The following RABGAP1 variants were observed in gnomAD, a reference collection of about 807,000 sequenced individuals.
RABGAP1 encodes the protein rab GTPase-activating protein 1.
Under a neutral mutation model 137.6 loss-of-function variants are expected in RABGAP1, and 23 were observed. That is an observed-to-expected ratio of 0.17 (90% CI 0.12 to 0.24). The LOEUF (loss-of-function observed/expected upper bound fraction) is 0.24, where lower values mean the gene tolerates loss of function less well. Among genes scored for constraint, RABGAP1 ranks in the 10% least tolerant of loss-of-function variants. RABGAP1 has a pLI of 1.00. For missense variants in RABGAP1, 906 were observed against 1,275.8 expected, an observed-to-expected ratio of 0.71 and a Z score of 4.42; for synonymous variants, 451 against 450.7, an observed-to-expected ratio of 1.00 and a Z score of -0.01.
At chr9:122,986,533 C>A in intron 4 of RABGAP1, 114 bp downstream of exon 4, 15 of 1,149,772 alleles carry the variant, frequency 1.3e-5, no homozygotes, top group Non-Finnish European at 1.9e-5. Flanking sequence ...ACTTGTGTAA[C>A]GTTTCATTTA....
At chr9:123,073,893 A>G (rs150364033) in intron 16 of RABGAP1, among the ~76,000 whole-genome samples, 135 of 152,344 alleles carry the variant, frequency 8.9e-4, no homozygotes, top group African/African-American at 3.1e-3. Context: ...ATAAACTCCC[A>G]AAAGATCAGA....
chr9:123,098,903 G>A, intron 23 of RABGAP1, 105 bp downstream of exon 23: 1 of 675,324 alleles, frequency 1.5e-6, no homozygotes, highest in Non-Finnish European at 2.5e-6. Flanking sequence ...AAGCACCCTG[G>A]TTTCAGATCC....
At chr9:123,061,226 C>T (rs2033958359) in intron 13 of RABGAP1, among the ~76,000 whole-genome samples, 2 of 152,130 alleles carry the variant, frequency 1.3e-5, no homozygotes, top group South Asian at 4.1e-4. Context: ...TCAAGGGATC[C>T]TCTTGCTTCA....
At chr9:122,995,248 C>T (rs1836955267) in intron 6 of RABGAP1, among the ~76,000 whole-genome samples, 1 of 152,154 alleles carries the variant, frequency 6.6e-6, no homozygotes. Flanking sequence ...AAGTGTTGGA[C>T]AACAGCTTAT....
At chr9:123,065,105 T>G (rs2034126000) in intron 13 of RABGAP1, among the ~76,000 whole-genome samples, 1 of 152,182 alleles carries the variant, frequency 6.6e-6, no homozygotes, top group African/African-American at 2.4e-5. Context: ...GCAGTAAGGA[T>G]GGAGTATAAT....
chr9:122,955,196 A>G (rs1353445219), intron 1 of RABGAP1, among the ~76,000 whole-genome samples: 1 of 152,214 alleles, frequency 6.6e-6, no homozygotes, highest in Non-Finnish European at 1.5e-5. Context: ...TTTCCTTAGC[A>G]AAGGTCTAAG....
At chr9:122,981,723 A>G (rs1351952975) in intron 2 of RABGAP1, among the ~76,000 whole-genome samples, 1 of 152,284 alleles carries the variant, frequency 6.6e-6, no homozygotes, top group East Asian at 1.9e-4. Context: ...AAATTAGTTG[A>G]CTGTCTTAAA....
chr9:123,103,321 G>A lies in RABGAP1; in HGVS notation c.*108G>A. 6.6e-7 allele frequency: 1 copy of A among 1,505,976 alleles called. No individual in the cohort carries two copies. Among genetic ancestry groups the A allele is most frequent in the Non-Finnish European group, 9.0e-7 (1 of 1,116,524 alleles). 93.3% of individuals were successfully genotyped at this position (1,505,976 alleles called of 1,614,324 possible). On this transcript the variant is annotated 3_prime_UTR_variant, in exon 26 of 26. Coordinates refer to ENST00000373647, the MANE Select transcript of RABGAP1 (RefSeq NM_012197.4). ...TGTCCCAGGACCAGAATGTACCTAA[G>A]TCAGATCCATAGACGCATGTTGGTA...
chr9:122,990,522 C>A, intron 6 of RABGAP1: 1 of 168,624 alleles, frequency 5.9e-6, no homozygotes. Context: ...GTAATCCCAG[C>A]TCTTTGGGTG....
At chr9:122,992,655 A>C (rs909895598) in intron 6 of RABGAP1, among the ~76,000 whole-genome samples, 2 of 149,136 alleles carry the variant, frequency 1.3e-5, no homozygotes, top group Non-Finnish European at 3.0e-5. Flanking sequence ...TTATTTAAGT[A>C]TAATGATCAA....
At chr9:123,052,095 A>G (rs2033507845) in intron 13 of RABGAP1, among the ~76,000 whole-genome samples, 1 of 151,684 alleles carries the variant, frequency 6.6e-6, no homozygotes, top group African/African-American at 2.4e-5. Flanking sequence ...GTGAGCCACC[A>G]CACCCAGCCA....
chr9:122,956,400 A>G (rs1588164590), intron 1 of RABGAP1, among the ~76,000 whole-genome samples: 1 of 152,330 alleles, frequency 6.6e-6, no homozygotes, highest in South Asian at 2.1e-4. Flanking sequence ...ACAACTTTAA[A>G]AATTAGACGG....
intron 13 of RABGAP1, among the ~76,000 whole-genome samples, chr9:123,064,881 T>G (rs2034116763): frequency 6.6e-6 from 1 of 152,224 alleles, no homozygotes; most frequent in African/African-American, 2.4e-5. Context: ...GCCATTTGCC[T>G]CTAGGACAAA....
intron 12 of RABGAP1, among the ~76,000 whole-genome samples, chr9:123,019,709 T>TG (rs2031490883): frequency 6.6e-6 from 1 of 151,640 alleles, no homozygotes; most frequent in African/African-American, 2.4e-5. Flanking sequence ...TTTGTTTGTT[T>TG]TGAGACAGTC....
chr9:122,987,446 G>T (rs1330196179), intron 4 of RABGAP1, among the ~76,000 whole-genome samples: 1 of 151,898 alleles, frequency 6.6e-6, no homozygotes, highest in African/African-American at 2.4e-5. Flanking sequence ...ATATGTATAT[G>T]TCTAGGTATA....
At chr9:123,051,236 TTTTTTTTTTTTTTTTTTTTTTTTTTTTTG>T (rs2033452314) in intron 13 of RABGAP1, among the ~76,000 whole-genome samples, 1 of 70,266 alleles carries the variant, frequency 1.4e-5, no homozygotes, top group Admixed American at 1.5e-4. Flanking sequence ...TTTTTTTTTT[TTTTTTTTTTTTTTTTTTTTTTTTTTTTTG>T]AGACGGAGTT....
At chr9:123,081,874 C>G (rs144325414) in intron 19 of RABGAP1, among the ~76,000 whole-genome samples, 5 of 152,184 alleles carry the variant, frequency 3.3e-5, no homozygotes, top group African/African-American at 1.2e-4. Context: ...CCAAGTCATA[C>G]CAGCTGTATA....
chr9:123,058,109 G>C (rs993923806), intron 13 of RABGAP1, among the ~76,000 whole-genome samples: 6 of 152,138 alleles, frequency 3.9e-5, no homozygotes, highest in Non-Finnish European at 7.4e-5. Flanking sequence ...TAGGGAAATT[G>C]AGTGATTGTG....
intron 13 of RABGAP1, among the ~76,000 whole-genome samples, chr9:123,055,363 TG>T (rs1338400564): frequency 6.6e-6 from 1 of 151,980 alleles, no homozygotes. Flanking sequence ...AATTTTTTTG[TG>T]TTTTTTGTTT....
Sources: gnomAD v4.1 joint callset for allele counts (sites outside exome capture counted in the v4.1 genomes callset) on GRCh38, gnomAD v4.1.1 for gene constraint, MANE v1.5 for transcripts, NCBI Gene and HGNC (gene_info 2026-07-23, HGNC 2026-07-21) for gene names.